The following TFCP2 variants were observed in gnomAD, a reference collection of about 807,000 sequenced individuals.
TFCP2 encodes alpha-globin transcription factor CP2.
Under a neutral mutation model 73.4 loss-of-function variants are expected in TFCP2, and 33 were observed. The ratio of observed to expected loss-of-function variants is 0.45; its 90% CI spans 0.34 to 0.60. TFCP2 has a LOEUF of 0.60. Ranked by LOEUF, TFCP2 falls within the 20% of genes least tolerant of loss-of-function variation. The pLI is 0.01. For synonymous variants in TFCP2, 193 were observed against 211.6 expected, an observed-to-expected ratio of 0.91 and a Z score of 0.76; for missense variants, 352 against 604.0, an observed-to-expected ratio of 0.58 and a Z score of 4.37.
At chr12:51,107,007 C>T in intron 7 of TFCP2, 1 of 579,686 alleles carries the variant, frequency 1.7e-6, no homozygotes. Context: ...TGCAGCAAAC[C>T]AAACCAAACC....
intron 1 of TFCP2, among the ~76,000 whole-genome samples, chr12:51,134,253 C>G (rs73305715): frequency 0.084 from 12,733 of 152,158 alleles, 564 homozygotes; most frequent in Middle Eastern, 0.13. Context: ...AAAAGTTTCA[C>G]GAAACAATAC....
intron 1 of TFCP2, among the ~76,000 whole-genome samples, chr12:51,149,309 T>C (rs966553423): frequency 5.3e-5 from 8 of 152,090 alleles, no homozygotes; most frequent in Admixed American, 2.6e-4. Flanking sequence ...AGACTATACA[T>C]TGGGTACACT....
At chr12:51,125,654 C>T (rs1017135251) in intron 1 of TFCP2, among the ~76,000 whole-genome samples, 11 of 152,218 alleles carry the variant, frequency 7.2e-5, no homozygotes, top group Admixed American at 2.6e-4. Flanking sequence ...ATTCCAGAAT[C>T]ATAAAGAAAG....
chr12:51,125,137 GCA>G (rs1566212764), intron 1 of TFCP2: 1 of 741,868 alleles, frequency 1.3e-6, no homozygotes, highest in East Asian at 2.6e-5. Flanking sequence ...AAGATGATGC[GCA>G]GTGTGATATT....
intron 5 of TFCP2, 102 bp from the exon 6 acceptor site, chr12:51,109,375 T>TC: frequency 8.7e-7 from 1 of 1,147,266 alleles, no homozygotes; most frequent in Non-Finnish European, 1.3e-6. Flanking sequence ...TACCAGGCAT[T>TC]ATGAATACCT....
chr12:51,114,338 G>C (rs1371851065), intron 4 of TFCP2, among the ~76,000 whole-genome samples: 2 of 152,186 alleles, frequency 1.3e-5, no homozygotes, highest in Non-Finnish European at 2.9e-5. Context: ...GGGAGCCTTG[G>C]CTCACACCTG....
At chr12:51,166,926 A>T (rs557120280) in intron 1 of TFCP2, among the ~76,000 whole-genome samples, 2 of 152,348 alleles carry the variant, frequency 1.3e-5, no homozygotes, top group South Asian at 4.1e-4. Context: ...AAACAATTTT[A>T]GAACATTTTT....
At chr12:51,159,405 T>C (rs1333382461) in intron 1 of TFCP2, among the ~76,000 whole-genome samples, 1 of 151,770 alleles carries the variant, frequency 6.6e-6, no homozygotes, top group Non-Finnish European at 1.5e-5. Context: ...TGGCGTGATC[T>C]TGGCTCACTG....
intron 1 of TFCP2, among the ~76,000 whole-genome samples, chr12:51,163,174 C>T (rs1270783945): frequency 6.6e-6 from 1 of 152,086 alleles, no homozygotes; most frequent in African/African-American, 2.4e-5. Context: ...GTGGCACGAG[C>T]CTATGGTCCC....
chr12:51,168,588 G>A (rs780409828), intron 1 of TFCP2, among the ~76,000 whole-genome samples: 5 of 151,946 alleles, frequency 3.3e-5, no homozygotes, highest in African/African-American at 4.8e-5. Flanking sequence ...GGGCTCAAAC[G>A]ATCCTCCCAT....
intron 1 of TFCP2, among the ~76,000 whole-genome samples, chr12:51,156,567 T>C (rs546806956): frequency 2.0e-5 from 3 of 152,220 alleles, no homozygotes; most frequent in African/African-American, 7.2e-5. Context: ...TAATGCTGAC[T>C]TCACAGAATG....
chr12:51,158,693 T>C (rs1255556819), intron 1 of TFCP2, among the ~76,000 whole-genome samples: 2 of 151,660 alleles, frequency 1.3e-5, no homozygotes, highest in African/African-American at 2.4e-5. Flanking sequence ...CTCACCATGT[T>C]AGCCAGGCTG....
chr12:51,126,350 G>GT (rs1198650360), intron 1 of TFCP2, among the ~76,000 whole-genome samples: 1 of 152,096 alleles, frequency 6.6e-6, no homozygotes, highest in African/African-American at 2.4e-5. Flanking sequence ...TCAGCATGGA[G>GT]GTATAGCAGA....
At chr12:51,153,525 T>A (rs1033305304) in intron 1 of TFCP2, among the ~76,000 whole-genome samples, 7 of 150,622 alleles carry the variant, frequency 4.6e-5, no homozygotes, top group African/African-American at 1.5e-4. Flanking sequence ...CTTTTCATCA[T>A]CCCAATCTAA....
intron 1 of TFCP2, chr12:51,125,319 C>A: frequency 1.9e-6 from 1 of 528,568 alleles, no homozygotes. Context: ...TGCCCAACAT[C>A]CACATTATAT....
intron 13 of TFCP2, among the ~76,000 whole-genome samples, chr12:51,096,626 T>A (rs1198127273): frequency 6.6e-6 from 1 of 152,202 alleles, no homozygotes; most frequent in Non-Finnish European, 1.5e-5. Context: ...AATTAAAGAG[T>A]AACCTAATCA....
intron 1 of TFCP2, among the ~76,000 whole-genome samples, chr12:51,132,238 T>C (rs1411672894): frequency 1.3e-5 from 2 of 152,094 alleles, no homozygotes; most frequent in African/African-American, 4.8e-5. Context: ...GACCCACAGT[T>C]CTCTGTATTC....
chr12:51,126,037 T>C (rs1442420288), intron 1 of TFCP2, among the ~76,000 whole-genome samples: 1 of 152,072 alleles, frequency 6.6e-6, no homozygotes, highest in Non-Finnish European at 1.5e-5. Context: ...GAGACCATCC[T>C]GGCTAACATG....
At chr12:51,135,448 C>G (rs12811508) in intron 1 of TFCP2, among the ~76,000 whole-genome samples, 24,169 of 151,478 alleles carry the variant, frequency 0.16, 2,295 homozygotes, top group South Asian at 0.26. Flanking sequence ...AAAAAAACAA[C>G]TACGATCAGA....
Sources: allele counts gnomAD v4.1 joint callset (sites outside exome capture counted in the v4.1 genomes callset), GRCh38; gene constraint gnomAD v4.1.1; transcripts MANE v1.5; gene names NCBI Gene and HGNC (gene_info 2026-07-23, HGNC 2026-07-21).